The following THSD7A variants were observed in gnomAD, a reference collection of about 807,000 sequenced individuals.
The protein encoded by THSD7A is thrombospondin type 1 domain containing 7A, also known as thrombospondin type-1 domain-containing protein 7A.
Under a neutral mutation model 231.3 loss-of-function variants are expected in THSD7A, and 96 were observed. That is an observed-to-expected ratio of 0.41 (90% CI 0.35 to 0.49). The LOEUF is 0.49. THSD7A is among the 20% of genes least tolerant of loss of function. THSD7A has a pLI of 0.05. For missense variants in THSD7A, 2,290 were observed against 2,070.2 expected (o/e 1.11, Z -2.06); for synonymous variants, 940 against 743.3 (o/e 1.26, Z -4.30).
intron 1 of THSD7A, among the ~76,000 whole-genome samples, chr7:11,677,888 A>T (rs2128137910): frequency 6.6e-6 from 1 of 152,254 alleles, no homozygotes; most frequent in South Asian, 2.1e-4. Context: ...TTGACAGAAT[A>T]TACATTCTTC....
chr7:11,432,283 AT>A (rs1222483770), intron 13 of THSD7A, among the ~76,000 whole-genome samples: 7 of 152,150 alleles, frequency 4.6e-5, no homozygotes, highest in African/African-American at 1.4e-4. Context: ...ACCAAAAAAA[AT>A]GGAAGATAAA....
rs73043365 is a variant in THSD7A at position 11,815,465 on chromosome 7, A to G, written c.190+16292T>C. On this transcript the variant is annotated intron_variant, in intron 1 of 27. Coordinates refer to ENST00000423059, the MANE Select transcript of THSD7A (RefSeq NM_015204.3). The stretch of plus-strand genomic sequence containing the variant: ...GAGTTCTATACCTGTACATATAAAT[A>G]TATGTACATATATTTAAGCTTTACT... Among the ~76,000 whole-genome samples the G allele has an allele frequency of 4.0e-3, 609 of 152,198 alleles. 4 individuals are homozygous for G. Among genetic ancestry groups the G allele is most frequent in the Admixed American group, 8.4e-3 (129 of 15,276 alleles).
intron 2 of THSD7A, among the ~76,000 whole-genome samples, chr7:11,635,561 T>C (rs972409938): frequency 6.6e-6 from 1 of 152,236 alleles, no homozygotes; most frequent in African/African-American, 2.4e-5. Context: ...AGGCTACTCA[T>C]GATTCAATAC....
intron 4 of THSD7A, among the ~76,000 whole-genome samples, chr7:11,559,238 A>C (rs1789977222): frequency 6.6e-6 from 1 of 152,168 alleles, no homozygotes; most frequent in African/African-American, 2.4e-5. Context: ...CAGCTCCTTG[A>C]TTTTAGCTTG....
chr7:11,716,962 T>C (rs1781159161), intron 1 of THSD7A, among the ~76,000 whole-genome samples: 1 of 151,646 alleles, frequency 6.6e-6, no homozygotes, highest in Admixed American at 6.6e-5. Context: ...GAACCACCTT[T>C]CTCACCTTAC....
In THSD7A at chr7:11,377,749, T is replaced by A. The variant is rs1331459792; in HGVS notation, c.4802-1092A>T. ...TTTCTTCAACAAATGTTTTTTGGGG[T>A]TTTTCAAAATCAAAGAATATCTAAG... On this transcript the variant is annotated intron_variant, in intron 26 of 27. Coordinates refer to ENST00000423059, the MANE Select transcript of THSD7A (RefSeq NM_015204.3). This position sits in a 1 kb window ranked among gnomAD's most constrained non-coding sequence, Gnocchi z 4.5. 1.3e-5 allele frequency: 2 copies of A among 152,028 alleles called. No homozygotes were observed. The highest frequency in any genetic ancestry group is 2.9e-5 in the Non-Finnish European group (2 of 67,976). 9.4% of individuals were successfully genotyped at this position (152,028 alleles called of 1,614,324 possible).
At chr7:11,506,846 C>T (rs1371110117) in intron 6 of THSD7A, among the ~76,000 whole-genome samples, 1 of 151,912 alleles carries the variant, frequency 6.6e-6, no homozygotes, top group Non-Finnish European at 1.5e-5. Flanking sequence ...CTTTGCATGA[C>T]CCACCTGTCA....
chr7:11,448,278 G>C (rs977201064), intron 11 of THSD7A, among the ~76,000 whole-genome samples: 6 of 152,068 alleles, frequency 3.9e-5, no homozygotes, highest in African/African-American at 1.4e-4. Flanking sequence ...ATACATATGA[G>C]TGTTTTATGG....
chr7:11,437,689 T>C (rs1784678178), intron 13 of THSD7A, among the ~76,000 whole-genome samples: 1 of 152,112 alleles, frequency 6.6e-6, no homozygotes, highest in Non-Finnish European at 1.5e-5. Flanking sequence ...TATTGCTTTT[T>C]CTGCCTGGTT....
At chr7:11,503,746 A>G (rs1387073424) in intron 6 of THSD7A, among the ~76,000 whole-genome samples, 1 of 152,220 alleles carries the variant, frequency 6.6e-6, no homozygotes, top group East Asian at 1.9e-4. Flanking sequence ...ATGCAAATCA[A>G]AGCCACAGCG....
intron 1 of THSD7A, among the ~76,000 whole-genome samples, chr7:11,656,439 C>G (rs1291659583): frequency 6.6e-6 from 1 of 151,776 alleles, no homozygotes; most frequent in African/African-American, 2.4e-5. Context: ...CAGATGGTCT[C>G]CAGGCTAACT....
intron 5 of THSD7A, among the ~76,000 whole-genome samples, chr7:11,541,943 C>G (rs61308984): frequency 0.23 from 34,542 of 151,808 alleles, 4,472 homozygotes; most frequent in Admixed American, 0.41. Context: ...AGGGTGGGAA[C>G]AGAGAGAGAG....
chr7:11,476,096 A>G (rs1786164389), intron 7 of THSD7A, among the ~76,000 whole-genome samples: 1 of 151,994 alleles, frequency 6.6e-6, no homozygotes, highest in Non-Finnish European at 1.5e-5. Flanking sequence ...TAAAGCTAAA[A>G]GTCTAACATT....
chr7:11,778,627 A>G (rs1041963382), intron 1 of THSD7A, among the ~76,000 whole-genome samples: 3 of 152,154 alleles, frequency 2.0e-5, no homozygotes, highest in Non-Finnish European at 4.4e-5. Flanking sequence ...CAAATAAAAC[A>G]CTTTTAGAAG....
At chr7:11,773,880 C>T (rs887984249) in intron 1 of THSD7A, among the ~76,000 whole-genome samples, 4 of 152,136 alleles carry the variant, frequency 2.6e-5, no homozygotes, top group Admixed American at 2.0e-4. Context: ...AACAATCTAA[C>T]CCACAGAAAA....
chr7:11,718,798 T>A (rs1781236980), intron 1 of THSD7A, among the ~76,000 whole-genome samples: 1 of 151,658 alleles, frequency 6.6e-6, no homozygotes, highest in Non-Finnish European at 1.5e-5. Context: ...TAGTGGCACA[T>A]TTGGTCATGA....
chr7:11,383,099 T>C (rs1276503398), intron 23 of THSD7A, among the ~76,000 whole-genome samples: 1 of 151,908 alleles, frequency 6.6e-6, no homozygotes, highest in Admixed American at 6.6e-5. Context: ...TGAAGATGTA[T>C]GACTTTCTTT....
rs146435725 is a variant in THSD7A at position 11,589,529 on chromosome 7, T to A, written c.1453+931A>T. Among the ~76,000 whole-genome samples, 954 of 152,312 alleles carry A rather than the reference T, an allele frequency of 6.3e-3. 4 individuals are homozygous for A. Among genetic ancestry groups the A allele is most frequent in the Non-Finnish European group, 0.01 (712 of 68,024 alleles). On this transcript the variant is annotated intron_variant, in intron 4 of 27. Coordinates refer to ENST00000423059, the MANE Select transcript of THSD7A (RefSeq NM_015204.3). ...AAACTTGGTTGTATGGCATGGCATA[T>A]TGCATTTTAATTACTGGTTTGTCTA... is the stretch of plus-strand genomic sequence containing the variant.
chr7:11,473,964 T>C (rs528522185), intron 8 of THSD7A, among the ~76,000 whole-genome samples: 2 of 152,260 alleles, frequency 1.3e-5, no homozygotes, highest in South Asian at 4.1e-4. Flanking sequence ...CTCCGTAGCC[T>C]ACGGGTATAT....
Sources: allele counts gnomAD v4.1 joint callset (sites outside exome capture counted in the v4.1 genomes callset), GRCh38; gene constraint gnomAD v4.1.1; non-coding constraint Gnocchi (gnomAD v3.1); transcripts MANE v1.5; gene names NCBI Gene and HGNC (gene_info 2026-07-23, HGNC 2026-07-21).